Variants in FAM135A observed in about 807,000 individuals in gnomAD.
The protein encoded by FAM135A is protein FAM135A.
FAM135A carries 79 observed loss-of-function variants against 146.8 expected under a neutral mutation model. The ratio of observed to expected loss-of-function variants is 0.54; its 90% CI spans 0.45 to 0.65. The LOEUF (loss-of-function observed/expected upper bound fraction) is 0.65. FAM135A is among the 30% of genes least tolerant of loss of function. FAM135A has a pLI of 0.00. For synonymous variants in FAM135A, 562 were observed against 603.6 expected (o/e 0.93, Z 1.01); for missense variants, 1,623 against 1,758.2 (o/e 0.92, Z 1.38).
At chr6:70,531,530 C>T (rs746113881) in intron 16 of FAM135A, among the ~76,000 whole-genome samples, 3 of 152,200 alleles carry the variant, frequency 2.0e-5, no homozygotes, top group Non-Finnish European at 4.4e-5. Context: ...TTTAATTTTT[C>T]AGTCAGAATT....
intron 11 of FAM135A, among the ~76,000 whole-genome samples, chr6:70,495,869 T>C (rs1476553810): frequency 1.3e-5 from 2 of 152,158 alleles, no homozygotes; most frequent in South Asian, 2.1e-4. Context: ...CTCCCACTTA[T>C]GAGTGAGAAC....
At chr6:70,508,347 CAGTATGTCTTAT>C (rs1466471144) in intron 12 of FAM135A, among the ~76,000 whole-genome samples, 1 of 152,190 alleles carries the variant, frequency 6.6e-6, no homozygotes, top group Admixed American at 6.5e-5. Flanking sequence ...TGTCTCTCAA[CAGTATGTCTTAT>C]AGAGAACTTG....
chr6:70,493,232 T>C (rs1391638957), intron 11 of FAM135A, among the ~76,000 whole-genome samples: 1 of 152,076 alleles, frequency 6.6e-6, no homozygotes, highest in Admixed American at 6.5e-5. Flanking sequence ...TTTCATATAG[T>C]ATGTTAAAAC....
At chr6:70,496,864 T>C (rs901473760) in intron 11 of FAM135A, among the ~76,000 whole-genome samples, 6 of 152,160 alleles carry the variant, frequency 3.9e-5, no homozygotes, top group African/African-American at 1.4e-4. Context: ...CATTGGTCTA[T>C]GTATCTGTTT....
Position 70,519,936 on chromosome 6 carries a change from A to G in FAM135A, c.1030-2577A>G, listed in dbSNP as rs199691090. 1.2e-4 allele frequency among the ~76,000 whole-genome samples: 18 copies of G among 152,222 alleles called. No homozygotes were observed. In the East Asian group the frequency reaches 3.1e-3, roughly 26 times the overall value. On this transcript the variant is annotated intron_variant, in intron 12 of 21. Transcript: ENST00000418814. ...TATATATGATAATAATTTAGTTGTG[A>G]ATTTTATTTAATGTGCTCAGCTTTT...
chr6:70,533,120 A>T, intron 16 of FAM135A, 40 bp from the exon 17 acceptor site: 1 of 1,502,742 alleles, frequency 6.7e-7, no homozygotes, highest in Non-Finnish European at 9.2e-7. Flanking sequence ...TCTACCTTTT[A>T]CTTTATCTCA....
At chr6:70,453,261 A>T (rs1777535389) in intron 5 of FAM135A, among the ~76,000 whole-genome samples, 1 of 152,220 alleles carries the variant, frequency 6.6e-6, no homozygotes. Flanking sequence ...GCACCATAAA[A>T]ATAATAAAAT....
chr6:70,437,890 G>A (rs1013890343), intron 4 of FAM135A, among the ~76,000 whole-genome samples: 23 of 152,018 alleles, frequency 1.5e-4, no homozygotes, highest in African/African-American at 5.6e-4. Context: ...AACATGGAAC[G>A]GGAGAATGAT....
At chr6:70,439,309 G>A (rs906634819) in intron 4 of FAM135A, among the ~76,000 whole-genome samples, 2 of 152,172 alleles carry the variant, frequency 1.3e-5, no homozygotes, top group African/African-American at 4.8e-5. Flanking sequence ...CTGAGTGTAA[G>A]GGGAGACTAT....
intron 5 of FAM135A, among the ~76,000 whole-genome samples, chr6:70,467,074 A>G (rs564560309): frequency 6.6e-6 from 1 of 152,236 alleles, no homozygotes; most frequent in South Asian, 2.1e-4. Context: ...CGTAGAGCCT[A>G]TAAATAGTTA....
intron 1 of FAM135A, 32 bp from the exon 2 acceptor site, chr6:70,415,259 A>G (rs1294680099): frequency 2.0e-5 from 3 of 152,174 alleles, no homozygotes; most frequent in African/African-American, 7.2e-5. Flanking sequence ...TGCTGAAGCA[A>G]TTATGTTTAG....
intron 11 of FAM135A, among the ~76,000 whole-genome samples, chr6:70,492,204 G>T (rs895833825): frequency 1.3e-5 from 2 of 151,766 alleles, no homozygotes; most frequent in African/African-American, 4.8e-5. Flanking sequence ...AGACAAGTCA[G>T]AGGAATTAAA....
At chr6:70,547,486 T>C (rs1799062320) in intron 20 of FAM135A, among the ~76,000 whole-genome samples, 1 of 152,212 alleles carries the variant, frequency 6.6e-6, no homozygotes, top group South Asian at 2.1e-4. Flanking sequence ...GTAGCATGTT[T>C]AGCAGTATCT....
At chr6:70,427,106 GTTATTCTTTAAA>G (rs1189853564) in intron 3 of FAM135A, among the ~76,000 whole-genome samples, 1 of 152,070 alleles carries the variant, frequency 6.6e-6, no homozygotes, top group Non-Finnish European at 1.5e-5. Flanking sequence ...AGTCCAAGAA[GTTATTCTTTAAA>G]TATGTACTGT....
chr6:70,462,369 T>A (rs994506614), intron 5 of FAM135A, among the ~76,000 whole-genome samples: 1 of 152,170 alleles, frequency 6.6e-6, no homozygotes, highest in Non-Finnish European at 1.5e-5. Flanking sequence ...GTCTGTAAAA[T>A]GTATATATTA....
In FAM135A at chr6:70,555,098, A is replaced by G. The variant is rs369053835; in HGVS notation, c.4229-1652A>G. Among the ~76,000 whole-genome samples the G allele has an allele frequency of 3.9e-5, 6 of 152,226 alleles. No individual in the cohort carries two copies. In the South Asian group the frequency reaches 1.2e-3, roughly 32 times the overall value. On this transcript the variant is annotated intron_variant, in intron 20 of 21. Coordinates refer to ENST00000418814, the MANE Select transcript of FAM135A (RefSeq NM_001162529.3). ...TTTGTCAGAAAAAGTTAGACTTTATATTTTGCTTGGTTTTCCAGAGACTTT... is the reference window on the plus strand; with the variant it reads ...TTTGTCAGAAAAAGTTAGACTTTATGTTTTGCTTGGTTTTCCAGAGACTTT...
intron 11 of FAM135A, among the ~76,000 whole-genome samples, chr6:70,498,781 C>G (rs1787884500): frequency 6.6e-6 from 1 of 152,174 alleles, no homozygotes; most frequent in Admixed American, 6.5e-5. Flanking sequence ...CGTAGTTCTG[C>G]AGCTTTGAGT....
At chr6:70,464,991 T>C (rs1262494333) in intron 5 of FAM135A, among the ~76,000 whole-genome samples, 1 of 151,916 alleles carries the variant, frequency 6.6e-6, no homozygotes, top group Non-Finnish European at 1.5e-5. Context: ...ACCTAAAATT[T>C]TGTTATCTTG....
intron 4 of FAM135A, among the ~76,000 whole-genome samples, chr6:70,448,161 T>G (rs975624867): frequency 6.6e-6 from 1 of 152,074 alleles, no homozygotes; most frequent in Non-Finnish European, 1.5e-5. Context: ...GGCAACTACT[T>G]TTCGCCCAGT....
Sources: gnomAD v4.1 joint callset for allele counts (sites outside exome capture counted in the v4.1 genomes callset) on GRCh38, gnomAD v4.1.1 for gene constraint, MANE v1.5 for transcripts, NCBI Gene and HGNC (gene_info 2026-07-23, HGNC 2026-07-21) for gene names.